Variants in CMIP observed in about 807,000 individuals in gnomAD.
CMIP encodes c-Maf inducing protein.
Under a neutral mutation model 97.3 loss-of-function variants are expected in CMIP, and 13 were observed. The ratio of observed to expected loss-of-function variants is 0.13; its 90% CI spans 0.09 to 0.21. The LOEUF (loss-of-function observed/expected upper bound fraction) is 0.21. Among genes scored for constraint, CMIP ranks in the 10% least tolerant of loss-of-function variants. The pLI is 1.00. For missense variants in CMIP, 847 were observed against 1,024.9 expected (o/e 0.83, Z 2.37); for synonymous variants, 538 against 436.3 (o/e 1.23, Z -2.91).
intron 3 of CMIP, among the ~76,000 whole-genome samples, chr16:81,647,864 G>A (rs986312846): frequency 1.3e-5 from 2 of 151,412 alleles, no homozygotes; most frequent in African/African-American, 2.4e-5. Context: ...CCTCTTCTGG[G>A]AACAGGGGCC....
intron 1 of CMIP, among the ~76,000 whole-genome samples, chr16:81,571,433 A>G (rs1225106169): frequency 6.6e-6 from 1 of 152,030 alleles, no homozygotes; most frequent in Non-Finnish European, 1.5e-5. Context: ...ACGTCACTGC[A>G]TTCCAGCCTG....
At chr16:81,479,666 A>G (rs975993660) in intron 1 of CMIP, among the ~76,000 whole-genome samples, 2 of 152,134 alleles carry the variant, frequency 1.3e-5, no homozygotes, top group East Asian at 1.9e-4. Flanking sequence ...TGAGATTTAC[A>G]TAACATAAAA....
At chr16:81,699,829 G>A (rs375721210) in intron 15 of CMIP, 28 bp downstream of exon 15, 1 of 1,509,250 alleles carries the variant, frequency 6.6e-7, no homozygotes, top group African/African-American at 1.4e-5. Context: ...GTCCCTGGTG[G>A]GGTGGCTGGC....
At chr16:81,675,237 T>C (rs1904289599) in intron 9 of CMIP, among the ~76,000 whole-genome samples, 1 of 152,120 alleles carries the variant, frequency 6.6e-6, no homozygotes, top group African/African-American at 2.4e-5. Flanking sequence ...ACAGTCTCAC[T>C]CTGTCACCCA....
chr16:81,581,175 C>G (rs1209300074), intron 1 of CMIP, among the ~76,000 whole-genome samples: 1 of 152,218 alleles, frequency 6.6e-6, no homozygotes, highest in Non-Finnish European at 1.5e-5. Flanking sequence ...ATCCATTCAT[C>G]TGTTGATGGA....
intron 1 of CMIP, among the ~76,000 whole-genome samples, chr16:81,575,632 G>T (rs781309045): frequency 6.6e-6 from 1 of 152,130 alleles, no homozygotes; most frequent in Non-Finnish European, 1.5e-5. Flanking sequence ...CACCTCCTTG[G>T]TTCCTCTGGG....
chr16:81,661,587 C>T (rs2092547285), intron 6 of CMIP, among the ~76,000 whole-genome samples: 2 of 152,222 alleles, frequency 1.3e-5, no homozygotes, highest in South Asian at 4.1e-4. Context: ...GGTCCTCATC[C>T]CTCCCCGCTC....
intron 19 of CMIP, 92 bp downstream of exon 19, chr16:81,705,696 C>G: frequency 1.3e-6 from 1 of 765,928 alleles, no homozygotes; most frequent in Non-Finnish European, 2.1e-6. Context: ...GACTTTGCAC[C>G]ATGCACAGAT....
chr16:81,539,982 C>T (rs556555858), intron 1 of CMIP, among the ~76,000 whole-genome samples: 31 of 152,318 alleles, frequency 2.0e-4, no homozygotes, highest in African/African-American at 5.8e-4. Context: ...CAGGGACCAC[C>T]ATGTTATTGG....
At chr16:81,615,661 T>TGTGTATGTGTCTGTGTGTGTG (rs1347119665) in intron 2 of CMIP, among the ~76,000 whole-genome samples, 3 of 149,198 alleles carry the variant, frequency 2.0e-5, no homozygotes, top group African/African-American at 7.4e-5. Flanking sequence ...ATGTGTGTGG[T>TGTGTATGTGTCTGTGTGTGTG]GTGTATGTGT....
chr16:81,552,282 C>T (rs2090674495), intron 1 of CMIP, among the ~76,000 whole-genome samples: 1 of 152,096 alleles, frequency 6.6e-6, no homozygotes, highest in Non-Finnish European at 1.5e-5. Context: ...GCTGGTGGTT[C>T]CCGAGGGTAT....
At position 81,570,444 on chromosome 16, in the gene CMIP, G is replaced by A. The variant is rs8045061; in HGVS notation, c.301-37123G>A. ...ACTGCCTTGGGCAAACCACTGCTCCGTTCTGAGCCTCGGTGTATTTTTTTA... is the reference window on the plus strand; with the variant it reads ...ACTGCCTTGGGCAAACCACTGCTCCATTCTGAGCCTCGGTGTATTTTTTTA... On this transcript the variant is annotated intron_variant, in intron 1 of 20. Coordinates refer to ENST00000537098, the MANE Select transcript of CMIP (RefSeq NM_198390.3). 5.9e-3 allele frequency among the ~76,000 whole-genome samples: 899 copies of A among 152,286 alleles called. 9 individuals carry two copies. The highest frequency in any genetic ancestry group is 0.02 in the African/African-American group (844 of 41,564).
In CMIP at chr16:81,639,374, T is replaced by G. The variant is rs189025097; in HGVS notation, c.478-12829T>G. Among the ~76,000 whole-genome samples, 106 of 152,214 alleles carry G rather than the reference T, an allele frequency of 7.0e-4. 1 individual carries two copies. Among genetic ancestry groups the G allele is most frequent in the African/African-American group, 2.5e-3 (105 of 41,480 alleles). On this transcript the variant is annotated intron_variant, in intron 3 of 20. Coordinates refer to ENST00000537098, the MANE Select transcript of CMIP (RefSeq NM_198390.3). ...TGTCACCACCATCCGTCTCCAGAAC[T>G]TTCTCCTCTTCCCAAATGGAAACTC...
chr16:81,696,677 G>A lies in CMIP; in HGVS notation c.1638+10G>A, dbSNP rs768759672. ...GCTGTTCGCCAGCATGGTACGCAGT[G>A]GGACCCCAGTGGGGTGACTTCCAGG... On this transcript the variant is annotated intron_variant, in intron 14 of 20. Coordinates refer to ENST00000537098, the MANE Select transcript of CMIP (RefSeq NM_198390.3). 40 of 1,603,172 alleles carry A rather than the reference G, an allele frequency of 2.5e-5. No individual in the cohort carries two copies. The highest frequency in any genetic ancestry group is 3.5e-4 in the Middle Eastern group (2 of 5,716).
intron 1 of CMIP, among the ~76,000 whole-genome samples, chr16:81,590,772 T>C (rs1172164450): frequency 6.6e-6 from 1 of 152,190 alleles, no homozygotes; most frequent in East Asian, 1.9e-4. Flanking sequence ...AAACATCTTT[T>C]GGTTCTCTGT....
chr16:81,655,236 C>T lies in CMIP; in HGVS notation c.640-2539C>T, dbSNP rs2092469448. 6.6e-6 allele frequency among the ~76,000 whole-genome samples: 1 copy of T among 152,134 alleles called. No individual in the cohort carries two copies. Among genetic ancestry groups the T allele is most frequent in the African/African-American group, 2.4e-5 (1 of 41,422 alleles). On this transcript the variant is annotated intron_variant, in intron 4 of 20. Transcript: ENST00000537098. The surrounding 1 kb of genome is among the most constrained non-coding windows in gnomAD (Gnocchi z 4.9). The stretch of plus-strand genomic sequence containing the variant: ...GCCCTGTTTTGGGGCTGGGTTGTTT[C>T]TCTGTTCTGTTTGCCCAAGTTGTTT...
intron 1 of CMIP, among the ~76,000 whole-genome samples, chr16:81,595,037 T>TCC (rs1491335566): frequency 1.8e-5 from 2 of 112,436 alleles, no homozygotes; most frequent in African/African-American, 6.8e-5. Context: ...TCATGTGGTC[T>TCC]CTCTCTCTCT....
chr16:81,692,863 A>T (rs190690255), intron 11 of CMIP, among the ~76,000 whole-genome samples: 8 of 152,250 alleles, frequency 5.3e-5, no homozygotes, highest in African/African-American at 1.9e-4. Flanking sequence ...GCCCACATGC[A>T]CCCACACATG....
intron 1 of CMIP, among the ~76,000 whole-genome samples, chr16:81,468,350 G>T (rs1230744720): frequency 6.6e-6 from 1 of 152,256 alleles, no homozygotes; most frequent in African/African-American, 2.4e-5. Context: ...CAAACTCAGA[G>T]AGAGGCCGGG....
Sources: gnomAD v4.1 joint callset for allele counts (sites outside exome capture counted in the v4.1 genomes callset) on GRCh38, gnomAD v4.1.1 for gene constraint, Gnocchi (gnomAD v3.1) non-coding constraint, MANE v1.5 for transcripts, NCBI Gene and HGNC (gene_info 2026-07-23, HGNC 2026-07-21) for gene names.